Variants in ST6GALNAC3 observed in about 807,000 individuals in gnomAD.
ST6GALNAC3 encodes alpha-N-acetylgalactosaminide alpha-2,6-sialyltransferase 3.
A neutral mutation model predicts 32.7 loss-of-function variants in ST6GALNAC3; 25 were observed. That is an observed-to-expected ratio of 0.76 (90% CI 0.56 to 1.07). The LOEUF is 1.07. Ranked by LOEUF, ST6GALNAC3 falls within the 50% of genes least tolerant of loss-of-function variation. The probability of loss-of-function intolerance (pLI) is 0.00; values close to 1 mark genes in which losing one functional copy is unlikely to be tolerated. For synonymous variants in ST6GALNAC3, 129 were observed against 133.1 expected, an observed-to-expected ratio of 0.97 and a Z score of 0.21; for missense variants, 355 against 382.4, an observed-to-expected ratio of 0.93 and a Z score of 0.60.
At chr1:76,396,699 A>G (rs1454480334) in intron 2 of ST6GALNAC3, among the ~76,000 whole-genome samples, 1 of 152,200 alleles carries the variant, frequency 6.6e-6, no homozygotes, top group African/African-American at 2.4e-5. Context: ...CTCTTTATCA[A>G]AATGATCCCA....
intron 3 of ST6GALNAC3, among the ~76,000 whole-genome samples, chr1:76,570,811 G>A (rs143245205): frequency 1.0e-3 from 157 of 151,688 alleles, no homozygotes; most frequent in African/African-American, 2.2e-3. Context: ...CAGAAATATC[G>A]TTCTCTCCAA....
intron 1 of ST6GALNAC3, among the ~76,000 whole-genome samples, chr1:76,249,768 T>A (rs1389370347): frequency 6.6e-6 from 1 of 152,254 alleles, no homozygotes; most frequent in Non-Finnish European, 1.5e-5. Context: ...TGTCAACACT[T>A]ACTATTGTCC....
intron 1 of ST6GALNAC3, among the ~76,000 whole-genome samples, chr1:76,230,707 T>C (rs187387309): frequency 2.9e-4 from 44 of 152,338 alleles, no homozygotes; most frequent in Non-Finnish European, 5.6e-4. Context: ...TAGTAACTGA[T>C]GCCTTTTCCT....
At chr1:76,553,566 GA>G (rs2100379336) in intron 3 of ST6GALNAC3, among the ~76,000 whole-genome samples, 2 of 152,274 alleles carry the variant, frequency 1.3e-5, no homozygotes, top group South Asian at 4.1e-4. Flanking sequence ...TCCTGCTTGT[GA>G]GCTGCAAGGG....
chr1:76,332,944 C>G (rs577982197), intron 2 of ST6GALNAC3, among the ~76,000 whole-genome samples: 2 of 152,096 alleles, frequency 1.3e-5, no homozygotes, highest in South Asian at 4.2e-4. Context: ...ATACCTGATT[C>G]AACCAGAACA....
chr1:76,445,827 G>A (rs920033951), intron 3 of ST6GALNAC3, among the ~76,000 whole-genome samples: 9 of 152,096 alleles, frequency 5.9e-5, no homozygotes, highest in Admixed American at 3.9e-4. Flanking sequence ...TCCACCCCTC[G>A]TCATGTCTTA....
intron 1 of ST6GALNAC3, among the ~76,000 whole-genome samples, chr1:76,105,696 G>C (rs1162875445): frequency 6.6e-6 from 1 of 152,132 alleles, no homozygotes; most frequent in African/African-American, 2.4e-5. Flanking sequence ...GACATGACAA[G>C]GCAAGTTTTA....
intron 1 of ST6GALNAC3, among the ~76,000 whole-genome samples, chr1:76,224,087 A>G (rs1049835932): frequency 6.6e-6 from 1 of 152,150 alleles, no homozygotes; most frequent in African/African-American, 2.4e-5. Context: ...CTATTATTCA[A>G]CATTTCCTGA....
chr1:76,573,428 G>A (rs943202291), intron 3 of ST6GALNAC3, among the ~76,000 whole-genome samples: 2 of 151,992 alleles, frequency 1.3e-5, no homozygotes, highest in Admixed American at 6.6e-5. Flanking sequence ...GAGGGAGCAG[G>A]GTCTGTGTGT....
chr1:76,252,257 C>T (rs1657663706), intron 1 of ST6GALNAC3, among the ~76,000 whole-genome samples: 1 of 152,154 alleles, frequency 6.6e-6, no homozygotes, highest in Non-Finnish European at 1.5e-5. Flanking sequence ...AGAGATTTGA[C>T]TCAAGGCTTT....
intron 1 of ST6GALNAC3, among the ~76,000 whole-genome samples, chr1:76,288,323 G>T (rs1404343488): frequency 6.6e-6 from 1 of 152,062 alleles, no homozygotes; most frequent in Non-Finnish European, 1.5e-5. Flanking sequence ...CCTGCAGAGT[G>T]AAAAAAATAA....
intron 3 of ST6GALNAC3, among the ~76,000 whole-genome samples, chr1:76,614,436 C>T (rs756138175): frequency 3.3e-5 from 5 of 152,074 alleles, no homozygotes; most frequent in Non-Finnish European, 7.4e-5. Context: ...TTAATAAATA[C>T]CAACCAGGTG....
chr1:76,291,221 C>T (rs963335667), intron 1 of ST6GALNAC3, among the ~76,000 whole-genome samples: 10 of 152,208 alleles, frequency 6.6e-5, no homozygotes, highest in Admixed American at 2.6e-4. Context: ...TATTTTACAA[C>T]GGCATATCGA....
At chr1:76,518,287 G>A (rs1310606940) in intron 3 of ST6GALNAC3, among the ~76,000 whole-genome samples, 2 of 151,694 alleles carry the variant, frequency 1.3e-5, no homozygotes, top group African/African-American at 4.8e-5. Flanking sequence ...CTTCATGTTC[G>A]ACCATTCTAT....
intron 1 of ST6GALNAC3, among the ~76,000 whole-genome samples, chr1:76,128,897 T>A (rs757255233): frequency 3.3e-5 from 5 of 152,180 alleles, no homozygotes; most frequent in Admixed American, 2.6e-4. Flanking sequence ...TGAAGGTAGA[T>A]TGCTTTTCCT....
At chr1:76,476,506 A>G (rs1468708145) in intron 3 of ST6GALNAC3, among the ~76,000 whole-genome samples, 1 of 152,190 alleles carries the variant, frequency 6.6e-6, no homozygotes, top group Non-Finnish European at 1.5e-5. Flanking sequence ...CATTTAAGTG[A>G]TTCTTTTTCT....
In ST6GALNAC3 at chr1:76,632,254, G is replaced by A. The variant is rs910331022; in HGVS notation, c.*3448G>A. On this transcript the variant is annotated 3_prime_UTR_variant, in exon 5 of 5. Transcript: ENST00000328299. ...TAAATGGACTGATTGCTAAGAGTAC[G>A]TAAAATCATATTCAAAAGCTGGCCA... is the stretch of plus-strand genomic sequence containing the variant. The A allele has an allele frequency of 5.3e-5, 8 of 152,172 alleles. No individual in the cohort carries two copies. In the East Asian group the frequency reaches 7.7e-4, roughly 15 times the overall value. 9.4% of individuals were successfully genotyped at this position (152,172 alleles called of 1,614,324 possible). A position where few individuals can be genotyped will look rare whatever the true frequency, so the allele number is the denominator to read the frequency against.
At chr1:76,409,510 C>G (rs1011488238) in intron 2 of ST6GALNAC3, among the ~76,000 whole-genome samples, 1 of 151,398 alleles carries the variant, frequency 6.6e-6, no homozygotes, top group Non-Finnish European at 1.5e-5. Flanking sequence ...GAAGAACAAG[C>G]ATGTTTATCA....
chr1:76,077,413 A>G (rs1157798649), intron 1 of ST6GALNAC3, among the ~76,000 whole-genome samples: 1 of 152,234 alleles, frequency 6.6e-6, no homozygotes, highest in African/African-American at 2.4e-5. Flanking sequence ...GAGGAAAAAC[A>G]TACACATTTT....
Sources: allele counts gnomAD v4.1 joint callset (sites outside exome capture counted in the v4.1 genomes callset), GRCh38; gene constraint gnomAD v4.1.1; transcripts MANE v1.5; gene names NCBI Gene and HGNC (gene_info 2026-07-23, HGNC 2026-07-21).